The following SDK1 variants were observed in gnomAD, a reference collection of about 807,000 sequenced individuals.
SDK1 encodes sidekick cell adhesion molecule 1.
SDK1 carries 157 observed loss-of-function variants against 245.5 expected under a neutral mutation model. That is an observed-to-expected ratio of 0.64 (90% CI 0.56 to 0.73). The LOEUF (loss-of-function observed/expected upper bound fraction) is 0.73, where lower values mean the gene tolerates loss of function less well. Ranked by LOEUF, SDK1 falls within the 30% of genes least tolerant of loss-of-function variation. The pLI is 0.00. For missense variants in SDK1, 3,583 were observed against 3,002.3 expected, an observed-to-expected ratio of 1.19 and a Z score of -4.52; for synonymous variants, 1,647 against 1,278.5, an observed-to-expected ratio of 1.29 and a Z score of -6.15.
At chr7:3,952,497 C>T (rs927288941) in intron 7 of SDK1, among the ~76,000 whole-genome samples, 5 of 152,124 alleles carry the variant, frequency 3.3e-5, no homozygotes, top group African/African-American at 9.7e-5. Context: ...GCACGAGAAT[C>T]ACTTGAACCC....
At chr7:4,261,804 G>T (rs1374575471) in intron 44 of SDK1, among the ~76,000 whole-genome samples, 1 of 151,918 alleles carries the variant, frequency 6.6e-6, no homozygotes, top group African/African-American at 2.4e-5. Flanking sequence ...AGAGACGGGG[G>T]CCCTGGGAAG....
intron 1 of SDK1, among the ~76,000 whole-genome samples, chr7:3,396,569 G>A (rs980029447): frequency 6.6e-6 from 1 of 151,580 alleles, no homozygotes; most frequent in African/African-American, 2.4e-5. Context: ...TTTATAAATT[G>A]TTATCTTTAC....
chr7:3,329,825 G>A (rs772373624), intron 1 of SDK1, among the ~76,000 whole-genome samples: 4 of 152,200 alleles, frequency 2.6e-5, no homozygotes, highest in Non-Finnish European at 4.4e-5. Context: ...CCTAACCAAT[G>A]CAGTATAACA....
At chr7:3,487,568 CCTGTTA>C (rs1227477718) in intron 1 of SDK1, among the ~76,000 whole-genome samples, 1 of 151,568 alleles carries the variant, frequency 6.6e-6, no homozygotes, top group Non-Finnish European at 1.5e-5. Flanking sequence ...GTGGTGAAGC[CCTGTTA>C]CTACAAAACA....
intron 1 of SDK1, among the ~76,000 whole-genome samples, chr7:3,593,219 C>T (rs753512237): frequency 5.9e-5 from 9 of 152,192 alleles, no homozygotes; most frequent in Non-Finnish European, 1.2e-4. Context: ...CTTTTCTCAG[C>T]ACCTCTGGAC....
At chr7:3,763,181 A>T (rs938417542) in intron 4 of SDK1, among the ~76,000 whole-genome samples, 2 of 151,964 alleles carry the variant, frequency 1.3e-5, no homozygotes, top group Non-Finnish European at 2.9e-5. Context: ...TCTTTAATAA[A>T]TTTTTTTGTC....
intron 1 of SDK1, among the ~76,000 whole-genome samples, chr7:3,464,302 T>C (rs186197687): frequency 5.1e-4 from 77 of 152,264 alleles, no homozygotes; most frequent in African/African-American, 1.8e-3. Context: ...GGCGGGAACA[T>C]TGCTTGAGGC....
At chr7:3,541,500 C>G (rs1187687920) in intron 1 of SDK1, among the ~76,000 whole-genome samples, 1 of 152,172 alleles carries the variant, frequency 6.6e-6, no homozygotes, top group Non-Finnish European at 1.5e-5. Flanking sequence ...TTATGAAGTC[C>G]TAGTTATGCT....
chr7:3,576,556 G>A (rs1444444647), intron 1 of SDK1, among the ~76,000 whole-genome samples: 4 of 151,974 alleles, frequency 2.6e-5, no homozygotes, highest in Non-Finnish European at 4.4e-5. Context: ...AAAATAATTG[G>A]ATTTTTTGGT....
intron 5 of SDK1, among the ~76,000 whole-genome samples, chr7:3,825,662 T>C (rs1229306394): frequency 1.3e-5 from 2 of 152,210 alleles, no homozygotes; most frequent in South Asian, 2.1e-4. Flanking sequence ...TCCTCTATAA[T>C]GCTAATTTAA....
intron 4 of SDK1, among the ~76,000 whole-genome samples, chr7:3,648,942 A>G (rs1193334021): frequency 3.3e-5 from 5 of 152,180 alleles, no homozygotes; most frequent in African/African-American, 1.2e-4. Flanking sequence ...TCTGGTATTA[A>G]TGTTCAGTGC....
chr7:4,173,427 C>T (rs565878385), intron 32 of SDK1, among the ~76,000 whole-genome samples: 4 of 152,310 alleles, frequency 2.6e-5, no homozygotes, highest in East Asian at 1.9e-4. Flanking sequence ...CGCTGGGTCT[C>T]GAGTGGTGAA....
At chr7:3,452,331 C>T (rs568503232) in intron 1 of SDK1, among the ~76,000 whole-genome samples, 1 of 152,136 alleles carries the variant, frequency 6.6e-6, no homozygotes, top group South Asian at 2.1e-4. Flanking sequence ...CTTTCTGCCA[C>T]TCTTTGGAAG....
At chr7:3,593,673 T>G (rs1235013768) in intron 1 of SDK1, among the ~76,000 whole-genome samples, 1 of 152,160 alleles carries the variant, frequency 6.6e-6, no homozygotes, top group Non-Finnish European at 1.5e-5. Flanking sequence ...TGATGGATGA[T>G]TCCCCTCCAA....
chr7:3,734,961 G>T (rs758274841), intron 4 of SDK1, among the ~76,000 whole-genome samples: 1 of 151,960 alleles, frequency 6.6e-6, no homozygotes, highest in African/African-American at 2.4e-5. Context: ...TCATTCTCCC[G>T]ACGTGCACAT....
chr7:4,265,800 A>G lies in SDK1; in HGVS notation c.*416A>G. 2.0e-6 allele frequency: 2 copies of G among 1,003,670 alleles called. No individual in the cohort carries two copies. The highest frequency in any genetic ancestry group is 2.4e-6 in the Non-Finnish European group (2 of 843,544). 62.2% of individuals were successfully genotyped at this position (1,003,670 alleles called of 1,614,324 possible). A position where few individuals can be genotyped will look rare whatever the true frequency, so the allele number is the denominator to read the frequency against. ...CCCCGGCCGGCCCCCGTCTCTTTCTACCTCCTCTTCCAGAGAACCAGCGGC... is the reference window on the plus strand; with the variant it reads ...CCCCGGCCGGCCCCCGTCTCTTTCTGCCTCCTCTTCCAGAGAACCAGCGGC... On this transcript the variant is annotated 3_prime_UTR_variant, in exon 45 of 45. Transcript: ENST00000404826.
At chr7:3,626,318 C>T (rs1782120601) in intron 2 of SDK1, among the ~76,000 whole-genome samples, 1 of 152,198 alleles carries the variant, frequency 6.6e-6, no homozygotes, top group South Asian at 2.1e-4. Flanking sequence ...CTTGTACCTG[C>T]TGTTAAGTCT....
intron 1 of SDK1, among the ~76,000 whole-genome samples, chr7:3,601,016 ATTCT>A (rs767815303): frequency 1.5e-3 from 233 of 151,766 alleles, no homozygotes; most frequent in Admixed American, 2.5e-3. Flanking sequence ...GATGTGGTAG[ATTCT>A]TTCTTTTTTT....
At chr7:3,818,698 C>T (rs1262904522) in intron 4 of SDK1, among the ~76,000 whole-genome samples, 2 of 152,192 alleles carry the variant, frequency 1.3e-5, no homozygotes, top group African/African-American at 2.4e-5. Flanking sequence ...CAGGAAGTCC[C>T]CAGACAGGAC....
Sources: gnomAD v4.1 joint callset for allele counts (sites outside exome capture counted in the v4.1 genomes callset) on GRCh38, gnomAD v4.1.1 for gene constraint, MANE v1.5 for transcripts, NCBI Gene and HGNC (gene_info 2026-07-23, HGNC 2026-07-21) for gene names.